PDGFA: variants seen among roughly 807,000 people sequenced by gnomAD.
The protein encoded by PDGFA is platelet-derived growth factor subunit A.
In PDGFA, 9 loss-of-function variants were observed where a neutral mutation model predicts 25.6. The ratio of observed to expected loss-of-function variants is 0.35; its 90% CI spans 0.21 to 0.61. The LOEUF is 0.61. Among genes scored for constraint, PDGFA ranks in the 20% least tolerant of loss-of-function variants. PDGFA has a pLI of 0.75. For missense variants in PDGFA, 242 were observed against 272.8 expected (o/e 0.89, Z 0.79); for synonymous variants, 133 against 111.8 (o/e 1.19, Z -1.20).
chr7:507,649 A>G (rs1782617187), intron 4 of PDGFA, among the ~76,000 whole-genome samples: 2 of 152,334 alleles, frequency 1.3e-5, no homozygotes, highest in South Asian at 4.1e-4. Flanking sequence ...CAGAACTGAC[A>G]TGAGAATCTC....
intron 3 of PDGFA, among the ~76,000 whole-genome samples, chr7:511,696 G>C (rs922724988): frequency 1.1e-4 from 17 of 152,178 alleles, no homozygotes; most frequent in Middle Eastern, 3.2e-3. Flanking sequence ...AAACCCATCA[G>C]GTGGGACCCC....
chr7:500,401 G>C lies in PDGFA; in HGVS notation c.580+715C>G. ...GTCAGTTGCACCTCCCCGCCCTGCA[G>C]GACTCAGTGTGTCCGGCAGACAGTC... On this transcript the variant is annotated intron_variant, in intron 5 of 5. Transcript: ENST00000402802. This position sits in a 1 kb window ranked among gnomAD's most constrained non-coding sequence, Gnocchi z 5.0. 2 of 1,611,166 alleles carry C rather than the reference G, an allele frequency of 1.2e-6. No individual in the cohort carries two copies. The highest frequency in any genetic ancestry group is 1.7e-6 in the Non-Finnish European group (2 of 1,177,320).
intron 4 of PDGFA, among the ~76,000 whole-genome samples, chr7:508,559 C>CGAAAAA (rs1782664931): frequency 2.8e-5 from 1 of 35,662 alleles, no homozygotes; most frequent in Non-Finnish European, 4.9e-5. Flanking sequence ...GAAGCTGTCC[C>CGAAAAA]AAAAAAAAAA....
intron 5 of PDGFA, among the ~76,000 whole-genome samples, chr7:499,808 A>T (rs1257532767): frequency 6.8e-6 from 1 of 147,056 alleles, no homozygotes; most frequent in Non-Finnish European, 1.5e-5. Flanking sequence ...CCATGAGGCA[A>T]CTGCAGATGG....
intron 4 of PDGFA, among the ~76,000 whole-genome samples, chr7:510,026 G>T (rs1241314775): frequency 7.5e-6 from 1 of 133,020 alleles, no homozygotes; most frequent in Non-Finnish European, 1.8e-5. Context: ...GGCAATGCAG[G>T]CTCTGAATAT....
chr7:516,397 C>A (rs1015593711), intron 2 of PDGFA, among the ~76,000 whole-genome samples: 1 of 152,172 alleles, frequency 6.6e-6, no homozygotes, highest in Admixed American at 6.5e-5. Flanking sequence ...CGCATGCCCC[C>A]CCTTTTTCAG....
At chr7:512,506 C>G (rs771366530) in intron 2 of PDGFA, 51 bp from the exon 3 acceptor site, 8 of 1,611,674 alleles carry the variant, frequency 5.0e-6, no homozygotes, top group Non-Finnish European at 6.8e-6. Context: ...TGCGCTGTGC[C>G]CTGGGCCTGT....
chr7:518,578 C>T (rs995943339), intron 1 of PDGFA: 2 of 243,502 alleles, frequency 8.2e-6, no homozygotes, highest in Admixed American at 1.1e-4. Context: ...CTTCTCTCCT[C>T]CCCAGGCTCC....
At chr7:498,687 G>T in intron 5 of PDGFA, 113 bp from the exon 6 acceptor site, 8 of 972,416 alleles carry the variant, frequency 8.2e-6, no homozygotes, top group Non-Finnish European at 1.3e-5. Flanking sequence ...CCAATCAGGG[G>T]CACACAGGGA....
chr7:501,970 A>C (rs1583139332), intron 4 of PDGFA, among the ~76,000 whole-genome samples: 1 of 152,290 alleles, frequency 6.6e-6, no homozygotes, highest in African/African-American at 2.4e-5. Context: ...CACGCCTGTA[A>C]TCCCAGCACT....
intron 2 of PDGFA, among the ~76,000 whole-genome samples, chr7:516,858 C>T (rs1051737249): frequency 5.3e-5 from 8 of 152,228 alleles, no homozygotes; most frequent in Non-Finnish European, 1.2e-4. Flanking sequence ...AACAGAAAGA[C>T]ACCGGCTTCT....
intron 4 of PDGFA, among the ~76,000 whole-genome samples, chr7:503,653 G>C (rs148223119): frequency 2.0e-5 from 3 of 152,172 alleles, no homozygotes; most frequent in Admixed American, 1.3e-4. Context: ...GGCAGGCTCC[G>C]AAGGTAAGCC....
chr7:514,169 T>A (rs1782985011), intron 2 of PDGFA, among the ~76,000 whole-genome samples: 1 of 152,136 alleles, frequency 6.6e-6, no homozygotes, highest in South Asian at 2.1e-4. Flanking sequence ...AGCTTCTGAG[T>A]GTGCGGTGGG....
Position 517,415 on chromosome 7 carries a change from G to C in PDGFA, c.139C>G (p.Leu47Val). Reference sequence around the variant, plus strand: ...TTACCTACGGAGTCTATCTCCAGGAGTCGCTGGAGGTCCCGGATGCTGTGG... The same window carrying C: ...TTACCTACGGAGTCTATCTCCAGGACTCGCTGGAGGTCCCGGATGCTGTGG... The change falls in exon 2 of 6, where the codon CTC (leucine) becomes GTC (valine). Residue 47 changes from leucine (L) to valine (V), a missense_variant. Coordinates refer to ENST00000402802, the Ensembl canonical transcript of PDGFA. This position sits in a 1 kb window ranked among gnomAD's most constrained non-coding sequence, Gnocchi z 7.4. 2 of 1,387,108 alleles carry C rather than the reference G, an allele frequency of 1.4e-6. No homozygotes were observed. Among genetic ancestry groups the C allele is most frequent in the Non-Finnish European group, 1.9e-6 (2 of 1,054,996 alleles). The allele number at this position is 1,387,108 out of a possible 1,614,324, so 85.9% of individuals were successfully genotyped here.
upstream of PDGFA, chr7:520,500 A>G (rs1422040901): frequency 6.6e-6 from 1 of 152,594 alleles, no homozygotes; most frequent in Non-Finnish European, 1.5e-5. Flanking sequence ...AGTCGGGGAA[A>G]GGGCCTGCAG....
intron 4 of PDGFA, among the ~76,000 whole-genome samples, chr7:509,607 T>C (rs976479477): frequency 6.6e-6 from 1 of 152,002 alleles, no homozygotes; most frequent in African/African-American, 2.4e-5. Context: ...GTTTCTAGGG[T>C]AGAGGCTTCA....
exon 6 of PDGFA, chr7:498,428 C>T: frequency 1.3e-6 from 1 of 799,310 alleles, no homozygotes; most frequent in Non-Finnish European, 2.1e-6. Context: ...CTTTGTTCTC[C>T]CGAGTGTTCT....
At chr7:509,725 G>A (rs564463222) in intron 4 of PDGFA, among the ~76,000 whole-genome samples, 5 of 152,236 alleles carry the variant, frequency 3.3e-5, no homozygotes, top group South Asian at 2.1e-4. Flanking sequence ...CAGAAAACAC[G>A]GCTCCAGCGG....
At chr7:506,195 C>A (rs1782559846) in intron 4 of PDGFA, among the ~76,000 whole-genome samples, 1 of 125,422 alleles carries the variant, frequency 8.0e-6, no homozygotes, top group African/African-American at 2.9e-5. Flanking sequence ...AAAAAAATCC[C>A]TCAAGTCGGG....
Sources: allele counts gnomAD v4.1 joint callset (sites outside exome capture counted in the v4.1 genomes callset), GRCh38; gene constraint gnomAD v4.1.1; non-coding constraint Gnocchi (gnomAD v3.1); transcripts MANE v1.5; gene names NCBI Gene and HGNC (gene_info 2026-07-23, HGNC 2026-07-21).